Variants in RABGAP1L observed in about 807,000 individuals in gnomAD.
RABGAP1L encodes the protein RAB GTPase activating protein 1 like, also known as rab GTPase-activating protein 1-like.
RABGAP1L carries 63 observed loss-of-function variants against 137.7 expected under a neutral mutation model. The observed-to-expected ratio is 0.46, with a 90% CI of 0.37 to 0.56. RABGAP1L has a LOEUF of 0.56. Ranked by LOEUF, RABGAP1L falls within the 20% of genes least tolerant of loss-of-function variation. RABGAP1L has a pLI of 0.00. For synonymous variants in RABGAP1L, 431 were observed against 433.7 expected (o/e 0.99, Z 0.08); for missense variants, 1,095 against 1,244.0 (o/e 0.88, Z 1.80).
chr1:174,471,818 G>A (rs958938639), intron 13 of RABGAP1L, among the ~76,000 whole-genome samples: 4 of 152,092 alleles, frequency 2.6e-5, no homozygotes, highest in Non-Finnish European at 5.9e-5. Flanking sequence ...CTCTCCTGGC[G>A]TTCATATATT....
At chr1:174,912,125 T>C (rs536853115) in intron 19 of RABGAP1L, among the ~76,000 whole-genome samples, 1 of 137,936 alleles carries the variant, frequency 7.2e-6, no homozygotes, top group South Asian at 2.2e-4. Flanking sequence ...TTCATTAAAT[T>C]CCTTTGTTTG....
chr1:174,354,805 A>G (rs1265717927), intron 11 of RABGAP1L, among the ~76,000 whole-genome samples: 1 of 152,226 alleles, frequency 6.6e-6, no homozygotes, highest in Non-Finnish European at 1.5e-5. Context: ...TCTAACATGT[A>G]AGTCTTTAAT....
intron 15 of RABGAP1L, among the ~76,000 whole-genome samples, chr1:174,697,161 A>G: frequency 6.6e-6 from 1 of 152,238 alleles, no homozygotes; most frequent in East Asian, 1.9e-4. Context: ...TATGAATGCC[A>G]AAAGGCACAT....
At chr1:174,914,543 A>G (rs1047503725) in intron 19 of RABGAP1L, among the ~76,000 whole-genome samples, 28 of 152,220 alleles carry the variant, frequency 1.8e-4, no homozygotes, top group Admixed American at 6.5e-4. Context: ...CTCTAAATGC[A>G]TACATATGAG....
chr1:174,286,819 C>T (rs1168113264), intron 10 of RABGAP1L, among the ~76,000 whole-genome samples: 1 of 151,876 alleles, frequency 6.6e-6, no homozygotes, highest in Non-Finnish European at 1.5e-5. Context: ...GGAATGTGTT[C>T]TTTAGTTTCT....
chr1:174,347,889 T>C (rs1363176769), intron 11 of RABGAP1L, among the ~76,000 whole-genome samples: 1 of 152,198 alleles, frequency 6.6e-6, no homozygotes, highest in Non-Finnish European at 1.5e-5. Flanking sequence ...TCAGTCTGTT[T>C]TGTGTTTTTA....
At chr1:174,175,769 G>A (rs548861590) in intron 1 of RABGAP1L, among the ~76,000 whole-genome samples, 2 of 151,960 alleles carry the variant, frequency 1.3e-5, no homozygotes, top group East Asian at 3.9e-4. Context: ...GGGATTACAG[G>A]CACCCACCAT....
At chr1:174,379,401 G>A (rs1284400876) in intron 12 of RABGAP1L, among the ~76,000 whole-genome samples, 1 of 148,792 alleles carries the variant, frequency 6.7e-6, no homozygotes, top group African/African-American at 2.5e-5. Flanking sequence ...TCACGATATT[G>A]ATTCTTCCTA....
At chr1:174,713,827 T>C (rs1449328927) in intron 17 of RABGAP1L, among the ~76,000 whole-genome samples, 2 of 152,254 alleles carry the variant, frequency 1.3e-5, no homozygotes, top group East Asian at 1.9e-4. Flanking sequence ...CTTGAACCTT[T>C]ATTCTTTCTC....
At chr1:174,675,824 C>A (rs1677580439) in intron 14 of RABGAP1L, among the ~76,000 whole-genome samples, 1 of 152,144 alleles carries the variant, frequency 6.6e-6, no homozygotes, top group African/African-American at 2.4e-5. Flanking sequence ...CTAATAGAAG[C>A]TTTTGGCTGA....
rs956322352 is a variant in RABGAP1L at position 174,530,027 on chromosome 1, T to A, written c.1711-107348T>A. On this transcript the variant is annotated intron_variant, in intron 13 of 25. Transcript: ENST00000681986. Reference sequence around the variant, plus strand: ...TAGTGAGTGCAGGTACCAGCCATGTTACGCAGGAGTGGGTCAATGCGCATG... The same window carrying A: ...TAGTGAGTGCAGGTACCAGCCATGTAACGCAGGAGTGGGTCAATGCGCATG... Among the ~76,000 whole-genome samples, 6 of 152,200 alleles carry A rather than the reference T, an allele frequency of 3.9e-5. No individual in the cohort carries two copies. The South Asian group carries it at 1.2e-3, about 32-fold the overall frequency.
At chr1:174,653,193 G>T (rs1019923159) in intron 14 of RABGAP1L, among the ~76,000 whole-genome samples, 1 of 152,164 alleles carries the variant, frequency 6.6e-6, no homozygotes, top group East Asian at 1.9e-4. Flanking sequence ...TGCTATGCTG[G>T]CAGTGAGAAT....
chr1:174,917,147 G>A (rs75748240), intron 19 of RABGAP1L, among the ~76,000 whole-genome samples: 3,635 of 152,166 alleles, frequency 0.024, 142 homozygotes, highest in African/African-American at 0.083. Flanking sequence ...TCAAAACCTA[G>A]TTACCTCTCA....
At chr1:174,975,614 C>T (rs904658048) in intron 21 of RABGAP1L, among the ~76,000 whole-genome samples, 2 of 152,180 alleles carry the variant, frequency 1.3e-5, no homozygotes, top group African/African-American at 4.8e-5. Flanking sequence ...GTCTGCTCCC[C>T]TCTCTGAGTC....
At chr1:174,910,101 T>A (rs928484782) in intron 19 of RABGAP1L, among the ~76,000 whole-genome samples, 1 of 152,086 alleles carries the variant, frequency 6.6e-6, no homozygotes, top group Non-Finnish European at 1.5e-5. Context: ...ATTTCGCGAC[T>A]GCACTCCAAC....
At chr1:174,425,607 TA>T (rs1452240577) in intron 13 of RABGAP1L, among the ~76,000 whole-genome samples, 5 of 152,070 alleles carry the variant, frequency 3.3e-5, no homozygotes, top group African/African-American at 9.6e-5. Context: ...CAGAGTTTTA[TA>T]AAATCGGATA....
intron 19 of RABGAP1L, among the ~76,000 whole-genome samples, chr1:174,865,436 A>G (rs1651035067): frequency 6.6e-6 from 1 of 152,238 alleles, no homozygotes; most frequent in African/African-American, 2.4e-5. Context: ...CTCAGAATGA[A>G]GCTCCTTTAC....
At chr1:174,859,196 G>A (rs572940969) in intron 19 of RABGAP1L, among the ~76,000 whole-genome samples, 97 of 152,262 alleles carry the variant, frequency 6.4e-4, no homozygotes, top group Non-Finnish European at 8.5e-4. Context: ...TAAAGAAAAT[G>A]TGAGGCCGAG....
chr1:174,676,559 A>G (rs1195956649), intron 14 of RABGAP1L, among the ~76,000 whole-genome samples: 1 of 152,202 alleles, frequency 6.6e-6, no homozygotes, highest in Non-Finnish European at 1.5e-5. Flanking sequence ...TTCTAAGTGA[A>G]AAGATTCCTG....
Sources: gnomAD v4.1 joint callset for allele counts (sites outside exome capture counted in the v4.1 genomes callset) on GRCh38, gnomAD v4.1.1 for gene constraint, MANE v1.5 for transcripts, NCBI Gene and HGNC (gene_info 2026-07-23, HGNC 2026-07-21) for gene names.